CDK16: variants seen among roughly 807,000 people sequenced by gnomAD.
CDK16 encodes the protein cyclin dependent kinase 16.
A neutral mutation model predicts 41.6 loss-of-function variants in CDK16; 2 were observed. The ratio of observed to expected loss-of-function variants is 0.05; its 90% CI spans 0.02 to 0.15. The LOEUF (loss-of-function observed/expected upper bound fraction) is 0.15. Among genes scored for constraint, CDK16 ranks in the 10% least tolerant of loss-of-function variants. The pLI, the probability that CDK16 is intolerant of heterozygous loss-of-function variation, is 1.00. For synonymous variants in CDK16, 169 were observed against 169.7 expected, an observed-to-expected ratio of 1.00 and a Z score of 0.03; for missense variants, 228 against 428.9, an observed-to-expected ratio of 0.53 and a Z score of 4.14.
At chrX:47,226,442 C>T in intron 9 of CDK16, 40 bp downstream of exon 9, 1 of 1,202,248 alleles carries the variant, frequency 8.3e-7, no homozygotes, top group Non-Finnish European at 1.1e-6. Flanking sequence ...TCCCCAGCCT[C>T]CTACTTTCCC....
intron 1 of CDK16, among the ~76,000 whole-genome samples, chrX:47,220,469 G>A (rs1158533242): frequency 9.2e-6 from 1 of 109,020 alleles, no homozygotes; most frequent in Non-Finnish European, 1.9e-5. Flanking sequence ...AGCTAGGGAG[G>A]GCTGAAGTGT....
chrX:47,228,419 G>C lies in CDK16; in HGVS notation c.1376-148G>C, dbSNP rs922052362. The C allele has an allele frequency of 4.4e-5, 20 of 450,150 alleles. No individual in the cohort carries two copies. In the African/African-American group the frequency reaches 4.6e-4, roughly 10 times the overall value. 37.1% of individuals were successfully genotyped at this position (450,150 alleles called of 1,213,427 possible). A position where few individuals can be genotyped will look rare whatever the true frequency, so the allele number is the denominator to read the frequency against. ...TATTTCATCTTCCCTGGTTGTAGCT[G>C]GTTTGTGTATGGAATTGTTTGACAG... On this transcript the variant is annotated intron_variant, in intron 14 of 15. Coordinates refer to ENST00000357227, the MANE Select transcript of CDK16 (RefSeq NM_006201.5).
intron 1 of CDK16, among the ~76,000 whole-genome samples, chrX:47,219,530 G>T (rs1198173748): frequency 4.6e-5 from 5 of 109,864 alleles, no homozygotes; most frequent in African/African-American, 1.3e-4. Context: ...ATAACGGGGG[G>T]TAGGGTGTCG....
chrX:47,226,525 C>A (rs1030444504), intron 9 of CDK16, 58 bp from the exon 10 acceptor site: 3 of 1,198,354 alleles, frequency 2.5e-6, no homozygotes, highest in Non-Finnish European at 3.4e-6. Flanking sequence ...CAACTGCACT[C>A]TCCCCGAGAC....
chrX:47,219,225 A>C (rs1937223227), intron 1 of CDK16, 120 bp downstream of exon 1: 1 of 683,654 alleles, frequency 1.5e-6, no homozygotes, highest in Non-Finnish European at 1.7e-6. Flanking sequence ...AATTTCCCAG[A>C]ATGCACCGGG....
intron 12 of CDK16, 21 bp from the exon 13 acceptor site, chrX:47,227,160 G>A (rs756461518): frequency 8.3e-7 from 1 of 1,209,939 alleles, no homozygotes; most frequent in Non-Finnish European, 1.1e-6. Context: ...TTTAAATCAG[G>A]TCTCTTTGTC....
chrX:47,228,217 A>T (rs752801393), intron 14 of CDK16: 41 of 168,133 alleles, frequency 2.4e-4, no homozygotes, highest in Admixed American at 3.1e-4. Context: ...TAAAACAACA[A>T]TATTATTATC....
At chrX:47,220,283 G>T (rs191632161) in intron 1 of CDK16, among the ~76,000 whole-genome samples, 1 of 107,215 alleles carries the variant, frequency 9.3e-6, no homozygotes, top group East Asian at 2.9e-4. Context: ...GTTCCAGGGG[G>T]TGCTACTCGG....
intron 1 of CDK16, among the ~76,000 whole-genome samples, chrX:47,221,214 G>C (rs1937324698): frequency 9.0e-6 from 1 of 111,326 alleles, no homozygotes; most frequent in Non-Finnish European, 1.9e-5. Context: ...CTGAGGATGG[G>C]TGTATGTCTT....
chrX:47,218,498 C>A, upstream of CDK16: 1 of 838,308 alleles, frequency 1.2e-6, no homozygotes, highest in Non-Finnish European at 1.6e-6. Context: ...CTGGCCACTG[C>A]TCACCTAGGC....
Position 47,218,790 on chromosome X carries a change from C to A in CDK16, c.-322C>A. Reference sequence around the variant, plus strand: ...GATCCGCCGCCACTCCGCGATCAGACCGCTCTGTGCCGCGAGCCGCCGTGA... The same window carrying A: ...GATCCGCCGCCACTCCGCGATCAGAACGCTCTGTGCCGCGAGCCGCCGTGA... On this transcript the variant is annotated 5_prime_UTR_variant, in exon 1 of 16. Transcript: ENST00000357227. 8.7e-7 allele frequency: 1 copy of A among 1,150,644 alleles called. No individual in the cohort carries two copies. The highest frequency in any genetic ancestry group is 1.9e-5 in the South Asian group (1 of 52,453). The allele number at this position is 1,150,644 out of a possible 1,213,427, so 94.8% of individuals were successfully genotyped here. A position where few individuals can be genotyped will look rare whatever the true frequency, so the allele number is the denominator to read the frequency against.
chrX:47,218,586 G>C (rs1425332821), upstream of CDK16: 5 of 1,148,845 alleles, frequency 4.4e-6, no homozygotes, highest in Non-Finnish European at 5.8e-6. Context: ...CTCCGGCTTG[G>C]CGCCGCATCC....
At chrX:47,224,274 G>A in intron 2 of CDK16, 111 bp from the exon 3 acceptor site, 7 of 866,565 alleles carry the variant, frequency 8.1e-6, no homozygotes, top group Non-Finnish European at 1.1e-5. Flanking sequence ...CAGGTTTCCT[G>A]TGGGGGCCAC....
Position 47,228,848 on chromosome X carries a change from C to G in CDK16, c.*80C>G. The G allele has an allele frequency of 2.0e-6, 2 of 986,486 alleles. No homozygotes were observed. The highest frequency in any genetic ancestry group is 2.0e-5 in the South Asian group (1 of 49,690). The allele number at this position is 986,486 out of a possible 1,213,427, so 81.3% of individuals were successfully genotyped here. ...AGGGCAGCCCCCAACTACATCTTCC[C>G]TGCTTACTCTCTGCCTACCTGCCTG... On this transcript the variant is annotated 3_prime_UTR_variant, in exon 16 of 16. Coordinates refer to ENST00000357227, the MANE Select transcript of CDK16 (RefSeq NM_006201.5).
Position 47,226,474 on chromosome X carries a change from C to T in CDK16, c.916+72C>T. The T allele has an allele frequency of 3.3e-6, 4 of 1,194,970 alleles. No individual in the cohort carries two copies. In the South Asian group the frequency reaches 7.4e-5, roughly 22 times the overall value. On this transcript the variant is annotated intron_variant, in intron 9 of 15. Coordinates refer to ENST00000357227, the MANE Select transcript of CDK16 (RefSeq NM_006201.5). ...TCCCATGACCACTTAGTCTCACTTC[C>T]CTTCAGCCTTGCCAGATTTTGCCTA... is the stretch of plus-strand genomic sequence containing the variant.
In CDK16 at chrX:47,223,700, C is replaced by G; in HGVS notation, c.143C>G (p.Pro48Arg). ...GGCGGCAGTGACCCTGGAGAGGCCC[C>G]CACACGTGCTGCTCCTGGGGAACTT... ...GGGGSDPGEAPTRAAPGELRS... is the reference protein window; with the variant it reads ...GGGGSDPGEARTRAAPGELRS... Residue 48 changes from proline to arginine, a missense_variant, in exon 2 of 16, where the codon CCC becomes CGC. By Grantham distance (103) the Pro-to-Arg change is moderately radical. Around this residue, in one of 3 missense-constraint regions of CDK16, gnomAD observed 71 missense variants for 102.2 expected, o/e 0.69. Transcript: ENST00000357227. The G allele has an allele frequency of 8.3e-7, 1 of 1,210,448 alleles. No homozygotes were observed. Among genetic ancestry groups the G allele is most frequent in the East Asian group, 3.0e-5 (1 of 33,782 alleles).
rs1350723063 is a variant in CDK16 at position 47,219,064 on chromosome X, C to T, written c.-48C>T. On this transcript the variant is annotated 5_prime_UTR_variant, in exon 1 of 16. Coordinates refer to ENST00000357227, the MANE Select transcript of CDK16 (RefSeq NM_006201.5). The stretch of plus-strand genomic sequence containing the variant: ...CGGGCCGCCGCCCCAGGCGCCGCCG[C>T]GCCGGCCCCGCGGCTCTGAGGTTGC... The T allele has an allele frequency of 7.3e-6, 6 of 817,593 alleles. No individual in the cohort carries two copies. Among genetic ancestry groups the T allele is most frequent in the Middle Eastern group, 6.3e-4 (1 of 1,581 alleles). The allele number at this position is 817,593 out of a possible 1,213,427, so 67.4% of individuals were successfully genotyped here. A position where few individuals can be genotyped will look rare whatever the true frequency, so the allele number is the denominator to read the frequency against.
At chrX:47,218,653 A>T (rs372931400), upstream of CDK16, 6 of 1,165,821 alleles carry the variant, frequency 5.1e-6, no homozygotes, top group Admixed American at 1.0e-4. Flanking sequence ...CCTTTGGTAC[A>T]TGCAGTCCGA....
In CDK16 at chrX:47,225,822, A is replaced by T; in HGVS notation, c.685A>T (p.Ile229Phe). ...KHANIVTLHDIIHTEKSLTLV... is the reference protein window; with the variant it reads ...KHANIVTLHDFIHTEKSLTLV... ...CGCCAACATCGTTACGCTACATGAC[A>T]TTATCCACACGGAGAAGTCCCTCAC... Residue 229 changes from isoleucine (I) to phenylalanine (F), a missense_variant, in exon 7 of 16, where the codon ATT becomes TTT. Around this residue, in one of 3 missense-constraint regions of CDK16, gnomAD observed 66 missense variants for 197.2 expected, o/e 0.33. Coordinates refer to ENST00000357227, the MANE Select transcript of CDK16 (RefSeq NM_006201.5). The T allele has an allele frequency of 1.7e-6, 2 of 1,210,766 alleles. No individual in the cohort carries two copies. Among genetic ancestry groups the T allele is most frequent in the Non-Finnish European group, 2.2e-6 (2 of 894,733 alleles).
Sources: gnomAD v4.1 joint callset for allele counts (sites outside exome capture counted in the v4.1 genomes callset) on GRCh38, gnomAD v4.1.1 for gene constraint, gnomAD v4.1.1 regional missense constraint, MANE v1.5 for transcripts, NCBI Gene and HGNC (gene_info 2026-07-23, HGNC 2026-07-21) for gene names.